Variants in CLNK observed in about 807,000 individuals in gnomAD.
The protein encoded by CLNK is cytokine dependent hematopoietic cell linker.
A neutral mutation model predicts 68.6 loss-of-function variants in CLNK; 74 were observed. The ratio of observed to expected loss-of-function variants is 1.08; its 90% CI spans 0.89 to 1.31. The LOEUF (loss-of-function observed/expected upper bound fraction) is 1.31, where lower values mean the gene tolerates loss of function less well. Among genes scored for constraint, CLNK ranks in the 50% most tolerant of loss-of-function variants. The probability of loss-of-function intolerance (pLI) is 0.00; values close to 1 mark genes in which losing one functional copy is unlikely to be tolerated. For synonymous variants in CLNK, 198 were observed against 172.2 expected, an observed-to-expected ratio of 1.15 and a Z score of -1.17; for missense variants, 553 against 515.3, an observed-to-expected ratio of 1.07 and a Z score of -0.71.
intron 8 of CLNK, among the ~76,000 whole-genome samples, chr4:10,553,675 A>G (rs1358213528): frequency 6.6e-6 from 1 of 152,134 alleles, no homozygotes; most frequent in African/African-American, 2.4e-5. Context: ...GCTGGTCTGA[A>G]GCTCCTAACC....
chr4:10,553,720 C>T (rs866061188), intron 8 of CLNK, among the ~76,000 whole-genome samples: 3 of 152,200 alleles, frequency 2.0e-5, no homozygotes, highest in Non-Finnish European at 4.4e-5. Flanking sequence ...TCCCGAAATG[C>T]TGGGATTACA....
intron 1 of CLNK, among the ~76,000 whole-genome samples, chr4:10,670,238 G>T (rs1352461590): frequency 6.6e-6 from 1 of 152,082 alleles, no homozygotes; most frequent in Non-Finnish European, 1.5e-5. Flanking sequence ...GTTATATTTG[G>T]GTATGTGGGG....
rs762619599 is a variant in CLNK at position 10,513,474 on chromosome 4, G to T, written c.896C>A (p.Ser299Tyr). Residue 299 changes from serine to tyrosine, a missense_variant, in exon 16 of 19, where the codon TCT (serine) becomes TAT (tyrosine). Transcript: ENST00000226951. ...GAAGTGTCTGCTTACCTTTCTATCA[G>T]ACCTTTTGGGGAAAGGTGGTCTCCA... ...TSWRPPFPKR[S>Y]DRKDVQHNEW... The T allele has an allele frequency of 3.1e-6, 5 of 1,611,334 alleles. No homozygotes were observed. Among genetic ancestry groups the T allele is most frequent in the Non-Finnish European group, 4.2e-6 (5 of 1,178,812 alleles).
the CLNK span, among the ~76,000 whole-genome samples, chr4:10,703,358 A>T: frequency 2.0e-5 from 3 of 152,218 alleles, no homozygotes; most frequent in African/African-American, 7.2e-5. Context: ...TACTGAGTCA[A>T]CTGGTAGAAG....
intron 6 of CLNK, among the ~76,000 whole-genome samples, chr4:10,565,048 G>A (rs1232460322): frequency 6.6e-6 from 1 of 151,780 alleles, no homozygotes; most frequent in Non-Finnish European, 1.5e-5. Context: ...CAAAATTTTG[G>A]CTATGCCATG....
intron 2 of CLNK, among the ~76,000 whole-genome samples, chr4:10,615,054 T>G (rs754565894): frequency 6.6e-6 from 1 of 151,902 alleles, no homozygotes; most frequent in Non-Finnish European, 1.5e-5. Flanking sequence ...CTCATGGTGG[T>G]GCATACTTGT....
the CLNK span, among the ~76,000 whole-genome samples, chr4:10,731,819 A>G: frequency 6.6e-6 from 1 of 152,362 alleles, no homozygotes; most frequent in African/African-American, 2.4e-5. Context: ...TTTGCAAGAA[A>G]GGAATTCAGT....
chr4:10,555,285 G>A (rs1719620863), intron 8 of CLNK, among the ~76,000 whole-genome samples: 1 of 152,068 alleles, frequency 6.6e-6, no homozygotes, highest in Non-Finnish European at 1.5e-5. Flanking sequence ...CACCTCAAAG[G>A]AAATTGGCTT....
chr4:10,596,209 G>C (rs1721378130), intron 3 of CLNK, among the ~76,000 whole-genome samples: 2 of 152,068 alleles, frequency 1.3e-5, no homozygotes, highest in South Asian at 4.1e-4. Context: ...ATTTTTAGTA[G>C]AGACGGGGTT....
chr4:10,503,989 G>T (rs927227339), intron 17 of CLNK, among the ~76,000 whole-genome samples: 1 of 151,230 alleles, frequency 6.6e-6, no homozygotes, highest in African/African-American at 2.4e-5. Flanking sequence ...CACCATGTTG[G>T]CCAGGCTGGT....
chr4:10,564,977 C>T (rs1194102069), intron 6 of CLNK, among the ~76,000 whole-genome samples, 200 bp from the exon 7 acceptor site: 1 of 152,128 alleles, frequency 6.6e-6, no homozygotes, highest in African/African-American at 2.4e-5. Context: ...AAAAAAATGC[C>T]AAAGTTTGAA....
intron 11 of CLNK, among the ~76,000 whole-genome samples, chr4:10,533,828 C>G (rs774300940): frequency 6.6e-6 from 1 of 152,142 alleles, no homozygotes; most frequent in Admixed American, 6.5e-5. Flanking sequence ...ATGTGTTTGT[C>G]TCCATTTTAA....
intron 2 of CLNK, among the ~76,000 whole-genome samples, chr4:10,614,475 G>C (rs1465631775): frequency 6.6e-6 from 1 of 152,146 alleles, no homozygotes; most frequent in African/African-American, 2.4e-5. Context: ...TCGACATTAA[G>C]AGTGTGGGAT....
intron 4 of CLNK, among the ~76,000 whole-genome samples, chr4:10,573,298 G>T (rs567460010): frequency 4.6e-5 from 7 of 152,280 alleles, no homozygotes; most frequent in Non-Finnish European, 8.8e-5. Context: ...AATTTGCCTA[G>T]GACCAGTACA....
chr4:10,626,435 C>T (rs1722678210), intron 2 of CLNK, among the ~76,000 whole-genome samples: 1 of 152,108 alleles, frequency 6.6e-6, no homozygotes, highest in East Asian at 1.9e-4. Context: ...TCTTTCTTTC[C>T]TGTAAGACAA....
intron 2 of CLNK, among the ~76,000 whole-genome samples, chr4:10,630,058 A>G (rs1722825328): frequency 6.6e-6 from 1 of 152,188 alleles, no homozygotes; most frequent in Admixed American, 6.5e-5. Context: ...GAATACCTGC[A>G]AGACTAAGAA....
chr4:10,599,336 A>C (rs1369862842), intron 2 of CLNK, among the ~76,000 whole-genome samples: 1 of 152,210 alleles, frequency 6.6e-6, no homozygotes, highest in Admixed American at 6.5e-5. Context: ...ATAGAATAGA[A>C]CATAATAAAT....
At chr4:10,644,705 T>C (rs1016795088) in intron 2 of CLNK, among the ~76,000 whole-genome samples, 2 of 152,206 alleles carry the variant, frequency 1.3e-5, no homozygotes, top group Non-Finnish European at 2.9e-5. Context: ...CAATTCATAA[T>C]AAAAATCAAA....
At chr4:10,667,341 A>G (rs1031787424) in intron 2 of CLNK, among the ~76,000 whole-genome samples, 1 of 150,522 alleles carries the variant, frequency 6.6e-6, no homozygotes, top group South Asian at 2.1e-4. Context: ...TTTTTTCACT[A>G]TAAATATTTC....
Sources: allele counts gnomAD v4.1 joint callset (sites outside exome capture counted in the v4.1 genomes callset), GRCh38; gene constraint gnomAD v4.1.1; transcripts MANE v1.5; gene names NCBI Gene and HGNC (gene_info 2026-07-23, HGNC 2026-07-21).